The following WNK1 variants were observed in gnomAD, a reference collection of about 807,000 sequenced individuals.
The protein encoded by WNK1 is WNK lysine deficient protein kinase 1, also known as serine/threonine-protein kinase WNK1.
In WNK1, 38 loss-of-function variants were observed where a neutral mutation model predicts 222.8. The ratio of observed to expected loss-of-function variants is 0.17; its 90% CI spans 0.13 to 0.22. The LOEUF (loss-of-function observed/expected upper bound fraction) is 0.22. WNK1 is among the 10% of genes least tolerant of loss of function. WNK1 has a pLI of 1.00. For missense variants in WNK1, 2,348 were observed against 2,918.4 expected (o/e 0.80, Z 4.50); for synonymous variants, 1,090 against 1,092.9 (o/e 1.00, Z 0.05).
At chr12:797,045 C>T (rs995474244) in intron 1 of WNK1, among the ~76,000 whole-genome samples, 1 of 152,182 alleles carries the variant, frequency 6.6e-6, no homozygotes, top group African/African-American at 2.4e-5. Context: ...AAACAATTCC[C>T]AGACTTTATT....
In WNK1 at chr12:813,916, A is replaced by C. The variant is rs1043305838; in HGVS notation, c.932+102A>C. On this transcript the variant is annotated intron_variant, in intron 2 of 27. Coordinates refer to ENST00000315939, the MANE Select transcript of WNK1 (RefSeq NM_018979.4). ...TTCACTTTGGTTGTTCAGCCTAAGA[A>C]GGGAACAGTCCTTCCAACTGTTACT... 12 of 1,245,712 alleles carry C rather than the reference A, an allele frequency of 9.6e-6. No homozygotes were observed. The African/African-American group carries it at 1.6e-4, about 17-fold the overall frequency. The allele number at this position is 1,245,712 out of a possible 1,614,324, so 77.2% of individuals were successfully genotyped here.
At chr12:852,791 A>G (rs1465299050) in intron 4 of WNK1, among the ~76,000 whole-genome samples, 1 of 152,198 alleles carries the variant, frequency 6.6e-6, no homozygotes, top group Non-Finnish European at 1.5e-5. Context: ...ACATTTTAAA[A>G]ACTGTAACTT....
intron 21 of WNK1, among the ~76,000 whole-genome samples, chr12:890,137 G>A (rs1315389601): frequency 6.6e-6 from 1 of 151,556 alleles, no homozygotes; most frequent in Non-Finnish European, 1.5e-5. Flanking sequence ...GTTTTTATTA[G>A]AGGCGGGGTT....
chr12:900,113 G>A (rs1955126238), intron 25 of WNK1, among the ~76,000 whole-genome samples: 1 of 148,618 alleles, frequency 6.7e-6, no homozygotes, highest in Admixed American at 6.8e-5. Context: ...AGCCTCCTGA[G>A]TAGCTGGGAT....
Position 827,614 on chromosome 12 carries a change from C to T in WNK1, c.1153+352C>T, listed in dbSNP as rs191933336. 992 of 270,668 alleles carry T rather than the reference C, an allele frequency of 3.7e-3. 12 individuals carry two copies. Among genetic ancestry groups the T allele is most frequent in the South Asian group, 0.028 (412 of 14,636 alleles). 16.8% of individuals were successfully genotyped at this position (270,668 alleles called of 1,614,324 possible). A position where few individuals can be genotyped will look rare whatever the true frequency, so the allele number is the denominator to read the frequency against. ...CACAATCTCAGCTCACTGCAACCTC[C>T]ACCCACCGGGTTCAAGCGATTCTTG... On this transcript the variant is annotated intron_variant, in intron 3 of 27. Coordinates refer to ENST00000315939, the MANE Select transcript of WNK1 (RefSeq NM_018979.4). This position sits in a 1 kb window ranked among gnomAD's most constrained non-coding sequence, Gnocchi z 4.6.
At chr12:864,452 T>C (rs992461355) in intron 8 of WNK1, among the ~76,000 whole-genome samples, 2 of 152,148 alleles carry the variant, frequency 1.3e-5, no homozygotes, top group African/African-American at 4.8e-5. Flanking sequence ...TATTCTCCCA[T>C]TGATTACTTT....
chr12:853,607 T>G (rs1264533270), intron 4 of WNK1, among the ~76,000 whole-genome samples: 2 of 152,248 alleles, frequency 1.3e-5, no homozygotes, highest in Non-Finnish European at 2.9e-5. Context: ...GAATGTCTTT[T>G]ATTGTTAAAT....
chr12:814,333 A>G lies in WNK1; in HGVS notation c.932+519A>G, dbSNP rs181219189. 3.7e-3 allele frequency among the ~76,000 whole-genome samples: 557 copies of G among 152,236 alleles called. 2 individuals carry two copies. The highest frequency in any genetic ancestry group is 0.01 in the Middle Eastern group (3 of 294). ...GAGACTCTGTCTCCAAAAAAAAAAA[A>G]AAAGAGTGGCTAAGGAATCAGAAAT... is the stretch of plus-strand genomic sequence containing the variant. On this transcript the variant is annotated intron_variant, in intron 2 of 27. Coordinates refer to ENST00000315939, the MANE Select transcript of WNK1 (RefSeq NM_018979.4).
chr12:876,364 G>C (rs11614499), intron 9 of WNK1, among the ~76,000 whole-genome samples: 59,109 of 151,898 alleles, frequency 0.39, 11,955 homozygotes, highest in East Asian at 0.52. Flanking sequence ...AGCCAAGATC[G>C]CGCCACTGCA....
chr12:907,024 T>TAAAAA lies in WNK1; in HGVS notation c.6644-813_6644-809dup, dbSNP rs67823034. On this transcript the variant is annotated intron_variant, in intron 26 of 27. Transcript: ENST00000315939. ...ACAGAAAAAGAAGAGACCCTTCCTTTAAAAAAAAAAAAAAGCCGGGCGTGG... is the reference window on the plus strand; with the variant it reads ...ACAGAAAAAGAAGAGACCCTTCCTTTAAAAAAAAAAAAAAAAAAAGCCGGGCGTGG... Among the ~76,000 whole-genome samples, 16 of 47,428 alleles carry TAAAAA rather than the reference T, an allele frequency of 3.4e-4. 2 individuals are homozygous for TAAAAA. Among genetic ancestry groups the TAAAAA allele is most frequent in the East Asian group, 1.7e-3 (2 of 1,154 alleles). 31.1% of individuals were successfully genotyped at this position (47,428 alleles called of 152,430 possible).
At chr12:781,234 TTACCTTGG>T (rs1423590232) in intron 1 of WNK1, 2 of 155,074 alleles carry the variant, frequency 1.3e-5, no homozygotes, top group Non-Finnish European at 2.9e-5. Flanking sequence ...GAGCTTTGCT[TTACCTTGG>T]TACAATTTTT....
chr12:779,406 T>C (rs931674426), intron 1 of WNK1, among the ~76,000 whole-genome samples: 3 of 151,296 alleles, frequency 2.0e-5, no homozygotes, highest in African/African-American at 7.3e-5. Context: ...TGTTTTTTTT[T>C]TTTCTTTTTT....
chr12:878,497 A>C (rs1426238905), intron 10 of WNK1, 136 bp downstream of exon 10: 3 of 953,740 alleles, frequency 3.1e-6, no homozygotes, highest in Non-Finnish European at 4.7e-6. Context: ...CCCTTGAAGT[A>C]GGTTAATCTC....
chr12:762,387 C>A (rs1210825558), intron 1 of WNK1, among the ~76,000 whole-genome samples: 2 of 147,482 alleles, frequency 1.4e-5, no homozygotes, highest in African/African-American at 4.9e-5. Flanking sequence ...ACTTATAATA[C>A]CTAATACAAT....
At chr12:760,568 A>T (rs1477682762) in intron 1 of WNK1, among the ~76,000 whole-genome samples, 1 of 147,880 alleles carries the variant, frequency 6.8e-6, no homozygotes, top group East Asian at 1.9e-4. Context: ...AGAAGGCTAT[A>T]AATTGTCACC....
chr12:868,832 G>T (rs1348878895), intron 8 of WNK1: 1 of 1,614,030 alleles, frequency 6.2e-7, no homozygotes, highest in South Asian at 1.1e-5. Context: ...TTCTGTGGTA[G>T]AGCCTATCGG....
intron 1 of WNK1, among the ~76,000 whole-genome samples, chr12:776,412 T>TTGTTTGTGTGTGTG (rs1555082819): frequency 6.8e-6 from 1 of 146,112 alleles, no homozygotes; most frequent in Non-Finnish European, 1.5e-5. Context: ...GTTTGTGTGT[T>TTGTTTGTGTGTGTG]TGTGTGTGTG....
chr12:757,251 A>C (rs1940195858), intron 1 of WNK1, among the ~76,000 whole-genome samples: 1 of 149,944 alleles, frequency 6.7e-6, no homozygotes, highest in African/African-American at 2.5e-5. Flanking sequence ...ATTTTCTGTC[A>C]TGCTAATTTT....
At chr12:776,645 T>C (rs1407543618) in intron 1 of WNK1, among the ~76,000 whole-genome samples, 1 of 151,800 alleles carries the variant, frequency 6.6e-6, no homozygotes, top group African/African-American at 2.4e-5. Flanking sequence ...TTGGCCAGGA[T>C]GGTCTTGCTC....
Sources: allele counts gnomAD v4.1 joint callset (sites outside exome capture counted in the v4.1 genomes callset), GRCh38; gene constraint gnomAD v4.1.1; non-coding constraint Gnocchi (gnomAD v3.1); transcripts MANE v1.5; gene names NCBI Gene and HGNC (gene_info 2026-07-23, HGNC 2026-07-21).